AFF3: variants seen among roughly 807,000 people sequenced by gnomAD.
AFF3 encodes the protein ALF transcription elongation factor 3.
In AFF3, 32 loss-of-function variants were observed where a neutral mutation model predicts 129.7. The ratio of observed to expected loss-of-function variants is 0.25; its 90% CI spans 0.19 to 0.33. The LOEUF is 0.33. AFF3 is among the 10% of genes least tolerant of loss of function. The probability of loss-of-function intolerance (pLI) is 1.00; values close to 1 mark genes in which losing one functional copy is unlikely to be tolerated. For missense variants in AFF3, 1,373 were observed against 1,592.0 expected (o/e 0.86, Z 2.34); for synonymous variants, 644 against 635.4 (o/e 1.01, Z -0.20).
At chr2:99,807,927 C>T (rs550646864) in intron 8 of AFF3, among the ~76,000 whole-genome samples, 2 of 152,250 alleles carry the variant, frequency 1.3e-5, no homozygotes, top group African/African-American at 4.8e-5. Flanking sequence ...GAGCCCCTTC[C>T]CAGGCTGTGA....
At chr2:100,034,155 TC>T (rs1361479676) in intron 4 of AFF3, among the ~76,000 whole-genome samples, 1 of 152,204 alleles carries the variant, frequency 6.6e-6, no homozygotes, top group Non-Finnish European at 1.5e-5. Flanking sequence ...CTATTTGTTT[TC>T]CAAAGGCTTT....
At chr2:100,129,919 T>C (rs1402436392) in intron 1 of AFF3, among the ~76,000 whole-genome samples, 8 of 152,182 alleles carry the variant, frequency 5.3e-5, no homozygotes, top group Admixed American at 5.2e-4. Context: ...TATTATTTTA[T>C]AGTGGGAGGC....
At chr2:99,997,808 C>G (rs1680995525) in intron 7 of AFF3, among the ~76,000 whole-genome samples, 1 of 152,208 alleles carries the variant, frequency 6.6e-6, no homozygotes, top group Non-Finnish European at 1.5e-5. Flanking sequence ...CCTACTCCAC[C>G]TGGCATGTGC....
rs146033173 is a variant in AFF3, at chr2:99,676,996, C to T, written c.1092-4407G>A. Among the ~76,000 whole-genome samples the T allele has an allele frequency of 7.3e-4, 111 of 152,216 alleles. 1 individual carries two copies. Among genetic ancestry groups the T allele is most frequent in the African/African-American group, 2.3e-3 (96 of 41,530 alleles). On this transcript the variant is annotated intron_variant, in intron 11 of 24. Transcript: ENST00000672756. ...TAAAATTGAACTTTTTGGCTGCACG[C>T]GGTGGCTTGTTCCTGTAATCCCAGT...
At chr2:99,685,209 G>C (rs1296687210) in intron 11 of AFF3, among the ~76,000 whole-genome samples, 1 of 152,128 alleles carries the variant, frequency 6.6e-6, no homozygotes, top group Non-Finnish European at 1.5e-5. Flanking sequence ...CCAAAGTGCT[G>C]GGATTACAGG....
chr2:99,651,063 C>T (rs981604614), intron 12 of AFF3, among the ~76,000 whole-genome samples: 2 of 151,156 alleles, frequency 1.3e-5, no homozygotes, highest in Non-Finnish European at 2.9e-5. Context: ...ATTCCAGCTA[C>T]TCGGGAGGCC....
chr2:100,050,232 G>C (rs991248497), intron 4 of AFF3, among the ~76,000 whole-genome samples: 1 of 152,004 alleles, frequency 6.6e-6, no homozygotes, highest in Non-Finnish European at 1.5e-5. Context: ...CTTGCAAATG[G>C]CTTCACGGTT....
chr2:99,804,121 A>G (rs1016771865), intron 8 of AFF3, among the ~76,000 whole-genome samples: 8 of 152,256 alleles, frequency 5.3e-5, no homozygotes, highest in Non-Finnish European at 1.0e-4. Context: ...TCTGCATAGC[A>G]AAAGAAATAA....
Position 99,593,850 on chromosome 2 carries a change from C to A in AFF3, c.1811G>T (p.Arg604Leu), listed in dbSNP as rs768129401. The A allele has an allele frequency of 6.3e-7, 1 of 1,591,734 alleles. No homozygotes were observed. The highest frequency in any genetic ancestry group is 8.5e-7 in the Non-Finnish European group (1 of 1,171,468). The change falls in exon 15 of 25, where the codon CGG becomes CTG. Residue 604 changes from arginine to leucine, a missense_variant. Arg to Leu is a moderately radical substitution (Grantham distance 102). Transcript: ENST00000672756. ...GTCCGCGGCCGCGGGCTCCTCGGGC[C>A]GGTGGCAGTTGGCGCCGTCCCCGGC... ...TSAGDGANCH[R>L]PEEPAAADAL...
intron 4 of AFF3, among the ~76,000 whole-genome samples, chr2:100,047,862 C>A (rs1420496985): frequency 6.6e-6 from 1 of 152,122 alleles, no homozygotes; most frequent in Non-Finnish European, 1.5e-5. Flanking sequence ...TTTGCAGAAA[C>A]AAACACTGAT....
chr2:100,135,249 G>A (rs1437798424), intron 1 of AFF3, among the ~76,000 whole-genome samples: 2 of 152,174 alleles, frequency 1.3e-5, no homozygotes, highest in African/African-American at 4.8e-5. Flanking sequence ...GTGTGTGTGA[G>A]ATCTTTTGCA....
rs7608655 is a variant in AFF3 at position 99,927,711 on chromosome 2, A to T, written c.873+78921T>A. Among the ~76,000 whole-genome samples, 491 of 152,320 alleles carry T rather than the reference A, an allele frequency of 3.2e-3. 4 individuals are homozygous for T. Among genetic ancestry groups the T allele is most frequent in the African/African-American group, 0.011 (468 of 41,572 alleles). ...TTTTACCTATGTAACAAACTTGCCC[A>T]TGTACCCCTGAACTTAAAATAAAAG... On this transcript the variant is annotated intron_variant, in intron 7 of 24. Transcript: ENST00000672756.
chr2:100,028,727 T>TTA (rs2104935989), intron 4 of AFF3, among the ~76,000 whole-genome samples: 1 of 152,244 alleles, frequency 6.6e-6, no homozygotes, highest in East Asian at 1.9e-4. Flanking sequence ...TTATACCTAT[T>TTA]AGGATGGCTA....
chr2:99,741,281 C>T (rs1393357425), intron 10 of AFF3, among the ~76,000 whole-genome samples: 2 of 152,104 alleles, frequency 1.3e-5, no homozygotes, highest in East Asian at 3.9e-4. Context: ...GTCAAATTGT[C>T]TCTGTTTGCA....
Position 99,679,326 on chromosome 2 carries a change from T to G in AFF3, c.1092-6737A>C, listed in dbSNP as rs568139921. ...TGTTGAACCTGGGGTGAAGGTGCAC[T>G]GTCTCGCTTAAGTTTATGACCTTAT... On this transcript the variant is annotated intron_variant, in intron 11 of 24. Transcript: ENST00000672756. 1.2e-4 allele frequency among the ~76,000 whole-genome samples: 18 copies of G among 152,298 alleles called. No homozygotes were observed. In the South Asian group the frequency reaches 3.7e-3, roughly 32 times the overall value.
chr2:99,883,979 C>T (rs891404541), intron 7 of AFF3, among the ~76,000 whole-genome samples: 2 of 152,132 alleles, frequency 1.3e-5, no homozygotes, highest in African/African-American at 4.8e-5. Context: ...TAATCATGCA[C>T]ATTTGTTTAA....
intron 7 of AFF3, among the ~76,000 whole-genome samples, chr2:99,867,611 T>C (rs1238329556): frequency 1.3e-5 from 2 of 149,874 alleles, no homozygotes; most frequent in Non-Finnish European, 3.0e-5. Context: ...GGCAGCCCCC[T>C]TTCTCCAAAA....
chr2:99,832,838 C>T (rs943724981), intron 8 of AFF3, among the ~76,000 whole-genome samples: 1 of 152,128 alleles, frequency 6.6e-6, no homozygotes, highest in Non-Finnish European at 1.5e-5. Flanking sequence ...AATGGCGCAC[C>T]TCTACAGTTA....
intron 13 of AFF3, among the ~76,000 whole-genome samples, chr2:99,632,670 A>C (rs1423645802): frequency 6.6e-6 from 1 of 152,146 alleles, no homozygotes; most frequent in Non-Finnish European, 1.5e-5. Context: ...GAATTCCCCT[A>C]GTTGCTCACT....
Sources: gnomAD v4.1 joint callset for allele counts (sites outside exome capture counted in the v4.1 genomes callset) on GRCh38, gnomAD v4.1.1 for gene constraint, MANE v1.5 for transcripts, NCBI Gene and HGNC (gene_info 2026-07-23, HGNC 2026-07-21) for gene names.